The following TUSC3 variants were observed in gnomAD, a reference collection of about 807,000 sequenced individuals.
TUSC3 encodes tumor suppressor candidate 3.
TUSC3 carries 45 observed loss-of-function variants against 44.8 expected under a neutral mutation model. The ratio of observed to expected loss-of-function variants is 1.00; its 90% confidence interval spans 0.79 to 1.29. TUSC3 has a LOEUF of 1.29. TUSC3 is among the 50% of genes most tolerant of loss of function. TUSC3 has a pLI of 0.00. For missense variants in TUSC3, 519 were observed against 437.9 expected (o/e 1.19, Z -1.65); for synonymous variants, 212 against 152.9 (o/e 1.39, Z -2.85).
the TUSC3 span, among the ~76,000 whole-genome samples, chr8:15,807,641 A>C: frequency 6.6e-6 from 1 of 152,196 alleles, no homozygotes; most frequent in African/African-American, 2.4e-5. Context: ...GGATTGGATA[A>C]AGAAAATGTG....
chr8:15,520,285 A>T (rs1457776275), intron 2 of TUSC3, among the ~76,000 whole-genome samples: 1 of 152,226 alleles, frequency 6.6e-6, no homozygotes, highest in East Asian at 1.9e-4. Flanking sequence ...TATCTTTAAC[A>T]TCTTGAAGAC....
At chr8:15,691,081 G>A (rs192584630) in intron 6 of TUSC3, among the ~76,000 whole-genome samples, 13 of 151,490 alleles carry the variant, frequency 8.6e-5, no homozygotes, top group African/African-American at 3.1e-4. Context: ...CTGAATTTGT[G>A]GATTGCTTTG....
chr8:15,671,408 A>C (rs1038857037), intron 5 of TUSC3, among the ~76,000 whole-genome samples: 8 of 152,160 alleles, frequency 5.3e-5, no homozygotes, highest in African/African-American at 1.9e-4. Flanking sequence ...ATCAGTTGTT[A>C]ACAACCAAAA....
chr8:15,661,121 T>C (rs1156640074), intron 4 of TUSC3, among the ~76,000 whole-genome samples: 1 of 151,970 alleles, frequency 6.6e-6, no homozygotes, highest in Non-Finnish European at 1.5e-5. Context: ...CACAATTTTT[T>C]CTTTCTGAAA....
At chr8:15,598,750 C>G (rs974837491) in intron 1 of TUSC3, among the ~76,000 whole-genome samples, 5 of 151,862 alleles carry the variant, frequency 3.3e-5, no homozygotes, top group East Asian at 3.9e-4. Context: ...TAAGTTTTCT[C>G]TATGTTTTTT....
intron 1 of TUSC3, among the ~76,000 whole-genome samples, chr8:15,608,923 C>T (rs1804647442): frequency 6.6e-6 from 1 of 152,132 alleles, no homozygotes; most frequent in Admixed American, 6.6e-5. Flanking sequence ...TGATTCTACT[C>T]CCAAAAAACT....
intron 1 of TUSC3, among the ~76,000 whole-genome samples, chr8:15,456,178 G>A (rs1251001719): frequency 1.3e-5 from 2 of 152,080 alleles, no homozygotes; most frequent in Non-Finnish European, 1.5e-5. Context: ...TAACTTCACA[G>A]CCTTCAATGA....
At chr8:15,548,878 AG>A (rs1417006081) in intron 1 of TUSC3, among the ~76,000 whole-genome samples, 1 of 151,788 alleles carries the variant, frequency 6.6e-6, no homozygotes, top group South Asian at 2.1e-4. Context: ...AGGTACATGT[AG>A]CCCTCCCTGA....
At chr8:15,831,250 A>G in the TUSC3 span, among the ~76,000 whole-genome samples, 1 of 152,182 alleles carries the variant, frequency 6.6e-6, no homozygotes. Flanking sequence ...TTATACTACA[A>G]TCAAACCCTG....
chr8:15,770,413 T>G (rs1812420336), downstream of TUSC3, among the ~76,000 whole-genome samples: 1 of 151,998 alleles, frequency 6.6e-6, no homozygotes, highest in Non-Finnish European at 1.5e-5. Flanking sequence ...TGTCAGGGGA[T>G]CAGGGGCTGG....
chr8:15,777,359 C>T, the TUSC3 span, among the ~76,000 whole-genome samples: 4 of 152,084 alleles, frequency 2.6e-5, no homozygotes, highest in South Asian at 2.1e-4. Flanking sequence ...TCCTGAGCTC[C>T]GTATTTCCTT....
chr8:15,452,972 G>A (rs780977073), intron 1 of TUSC3, among the ~76,000 whole-genome samples: 12 of 151,738 alleles, frequency 7.9e-5, no homozygotes, highest in Admixed American at 6.6e-5. Context: ...ACCAGATAGC[G>A]ACCACTCCCC....
chr8:15,543,355 C>T lies in TUSC3; in HGVS notation c.138+2787C>T, dbSNP rs571752448. ...AGTTGAGCCTGCAATCAGGAAAGGA[C>T]ATTAGTTGATTTAAAGGAAGTAATA... On this transcript the variant is annotated intron_variant, in intron 1 of 10. Transcript: ENST00000503731. Among the ~76,000 whole-genome samples the T allele has an allele frequency of 4.7e-4, 71 of 152,228 alleles. 1 individual carries two copies. In the South Asian group the frequency reaches 7.7e-3, roughly 16 times the overall value.
At chr8:15,535,042 C>T (rs187547838) in intron 2 of TUSC3, among the ~76,000 whole-genome samples, 165 of 152,238 alleles carry the variant, frequency 1.1e-3, no homozygotes, top group Non-Finnish European at 1.6e-3. Flanking sequence ...GTATGGAGTC[C>T]TTCTCAGGCC....
the TUSC3 span, among the ~76,000 whole-genome samples, chr8:15,843,036 C>T: frequency 6.6e-6 from 1 of 152,162 alleles, no homozygotes; most frequent in Non-Finnish European, 1.5e-5. Flanking sequence ...ATATTTCATG[C>T]TCCAGTCTCC....
At chr8:15,587,936 A>C (rs887725227) in intron 1 of TUSC3, among the ~76,000 whole-genome samples, 1 of 152,116 alleles carries the variant, frequency 6.6e-6, no homozygotes, top group Non-Finnish European at 1.5e-5. Flanking sequence ...TTATATATAT[A>C]TGCTACATTT....
chr8:15,701,299 T>A (rs1405543521), intron 6 of TUSC3, among the ~76,000 whole-genome samples: 2 of 152,160 alleles, frequency 1.3e-5, no homozygotes, highest in South Asian at 2.1e-4. Flanking sequence ...ATGATTTTTA[T>A]CACCATAGAT....
At chr8:15,507,984 G>A (rs998621486) in intron 2 of TUSC3, among the ~76,000 whole-genome samples, 3 of 152,132 alleles carry the variant, frequency 2.0e-5, no homozygotes, top group African/African-American at 7.2e-5. Context: ...GCTCAGGCCT[G>A]TAATCCCAGC....
chr8:15,483,649 A>ATTTTTTTTTTTTTTTTTTTTTTTTT (rs60092911), intron 2 of TUSC3, among the ~76,000 whole-genome samples: 2 of 66,160 alleles, frequency 3.0e-5, no homozygotes, highest in Non-Finnish European at 2.8e-5. Flanking sequence ...TAGCACTGTG[A>ATTTTTTTTTTTTTTTTTTTTTTTTT]TTTTTTTTTT....
Sources: gnomAD v4.1 joint callset for allele counts (sites outside exome capture counted in the v4.1 genomes callset) on GRCh38, gnomAD v4.1.1 for gene constraint, MANE v1.5 for transcripts, NCBI Gene and HGNC (gene_info 2026-07-23, HGNC 2026-07-21) for gene names.